PRIM2: variants seen among roughly 807,000 people sequenced by gnomAD.
PRIM2 encodes the protein DNA primase subunit 2, also known as DNA primase large subunit.
Under a neutral mutation model 67.3 loss-of-function variants are expected in PRIM2, and 39 were observed. That is an observed-to-expected ratio of 0.58 (90% CI 0.45 to 0.76). PRIM2 has a LOEUF of 0.76. Among genes scored for constraint, PRIM2 ranks in the 30% least tolerant of loss-of-function variants. The probability of loss-of-function intolerance (pLI) is 0.00; values close to 1 mark genes in which losing one functional copy is unlikely to be tolerated. For synonymous variants in PRIM2, 143 were observed against 198.7 expected, an observed-to-expected ratio of 0.72 and a Z score of 2.36; for missense variants, 398 against 598.7, an observed-to-expected ratio of 0.66 and a Z score of 3.50.
intron 2 of PRIM2, among the ~76,000 whole-genome samples, chr6:57,319,675 T>C (rs1420508807): frequency 6.6e-6 from 1 of 152,010 alleles, no homozygotes; most frequent in East Asian, 1.9e-4. Flanking sequence ...TTAGCATTGA[T>C]AGGATTTGGT....
chr6:57,550,988 C>T (rs1317288689), intron 10 of PRIM2, among the ~76,000 whole-genome samples: 3 of 152,110 alleles, frequency 2.0e-5, no homozygotes, highest in Admixed American at 6.5e-5. Flanking sequence ...TCTTTAACAA[C>T]CTGTTGTGTG....
chr6:57,437,280 C>T (rs1483920290), intron 7 of PRIM2, among the ~76,000 whole-genome samples: 1 of 152,240 alleles, frequency 6.6e-6, no homozygotes, highest in East Asian at 1.9e-4. Flanking sequence ...CACCAGGTTC[C>T]ACCTCCAACA....
the PRIM2 span, among the ~76,000 whole-genome samples, chr6:57,238,703 TAAC>T: frequency 6.6e-6 from 1 of 151,958 alleles, no homozygotes; most frequent in Non-Finnish European, 1.5e-5. Context: ...AGGCAAGAAA[TAAC>T]TAAGATCAGA....
intron 10 of PRIM2, among the ~76,000 whole-genome samples, chr6:57,539,920 G>A (rs1212337328): frequency 6.6e-6 from 1 of 151,880 alleles, no homozygotes; most frequent in East Asian, 1.9e-4. Context: ...CTTGAACCTG[G>A]GAGGTGGAGG....
the PRIM2 span, among the ~76,000 whole-genome samples, chr6:57,259,835 C>T: frequency 1.3e-5 from 2 of 152,202 alleles, no homozygotes; most frequent in Non-Finnish European, 2.9e-5. Context: ...AGCTGAAGGG[C>T]ACTGCTTTGC....
chr6:57,528,702 A>C (rs1433850655), intron 8 of PRIM2, among the ~76,000 whole-genome samples: 1 of 152,254 alleles, frequency 6.6e-6, no homozygotes, highest in Admixed American at 6.5e-5. Context: ...TAGACTAAGA[A>C]GCTGAGACTT....
At chr6:57,439,957 A>G (rs1772149055) in intron 7 of PRIM2, among the ~76,000 whole-genome samples, 1 of 152,148 alleles carries the variant, frequency 6.6e-6, no homozygotes, top group African/African-American at 2.4e-5. Flanking sequence ...ATTTAAAAAT[A>G]TTATAAATTA....
At chr6:57,403,499 T>C (rs1770783922) in intron 7 of PRIM2, among the ~76,000 whole-genome samples, 1 of 151,978 alleles carries the variant, frequency 6.6e-6, no homozygotes, top group African/African-American at 2.4e-5. Flanking sequence ...CCTGACCTCA[T>C]GGTGCATCTG....
chr6:57,418,943 T>G (rs1328413932), intron 7 of PRIM2, among the ~76,000 whole-genome samples: 1 of 152,144 alleles, frequency 6.6e-6, no homozygotes, highest in Non-Finnish European at 1.5e-5. Flanking sequence ...TTTCTAGGAA[T>G]GTACTTTAGA....
the PRIM2 span, among the ~76,000 whole-genome samples, chr6:57,309,237 C>A: frequency 6.7e-6 from 1 of 150,326 alleles, no homozygotes; most frequent in Non-Finnish European, 1.5e-5. Context: ...TGCACTGCAC[C>A]CACTAACTCG....
chr6:57,539,612 T>TTGTGTGTGTG (rs1232932730), intron 10 of PRIM2, among the ~76,000 whole-genome samples: 3 of 129,352 alleles, frequency 2.3e-5, no homozygotes, highest in South Asian at 5.6e-4. Flanking sequence ...ATTATATTCT[T>TTGTGTGTGTG]TGTGTGTGTG....
chr6:57,439,067 A>G (rs1380745631), intron 7 of PRIM2, among the ~76,000 whole-genome samples: 3 of 152,072 alleles, frequency 2.0e-5, no homozygotes, highest in Admixed American at 2.0e-4. Flanking sequence ...CTTAGTCACT[A>G]TTGGGTTTTT....
chr6:57,324,079 A>G (rs1273817790), intron 3 of PRIM2, 122 bp from the exon 4 acceptor site: 1 of 597,602 alleles, frequency 1.7e-6, no homozygotes, highest in Non-Finnish European at 3.0e-6. Flanking sequence ...GCAAGACCCC[A>G]TCTCTAAAAA....
chr6:57,420,226 C>T (rs1771421530), intron 7 of PRIM2, among the ~76,000 whole-genome samples: 1 of 152,054 alleles, frequency 6.6e-6, no homozygotes, highest in Non-Finnish European at 1.5e-5. Context: ...GTTTTTTGGC[C>T]AGGCACAGTG....
chr6:57,269,348 T>C, the PRIM2 span, among the ~76,000 whole-genome samples: 1,836 of 152,170 alleles, frequency 0.012, 40 homozygotes, highest in African/African-American at 0.041. Context: ...AGATGGTATC[T>C]CATTGTGGTT....
intron 5 of PRIM2, among the ~76,000 whole-genome samples, chr6:57,327,196 C>T (rs868760588): frequency 7.2e-5 from 11 of 152,004 alleles, no homozygotes; most frequent in South Asian, 2.1e-4. Flanking sequence ...GCCACCGTGC[C>T]GGGCCTAGAA....
chr6:57,280,815 CT>C, the PRIM2 span, among the ~76,000 whole-genome samples: 14 of 151,686 alleles, frequency 9.2e-5, no homozygotes, highest in African/African-American at 3.1e-4. Flanking sequence ...CATGTACTAT[CT>C]TTTTTTTTAA....
At chr6:57,581,361 C>T (rs1325684025) in intron 10 of PRIM2, among the ~76,000 whole-genome samples, 1 of 152,146 alleles carries the variant, frequency 6.6e-6, no homozygotes, top group African/African-American at 2.4e-5. Flanking sequence ...ATTACTAAAT[C>T]TAGTCTTTTC....
the PRIM2 span, among the ~76,000 whole-genome samples, chr6:57,227,167 A>C: frequency 6.6e-6 from 1 of 152,182 alleles, no homozygotes; most frequent in South Asian, 2.1e-4. Flanking sequence ...CTCTAATGGA[A>C]AGGGCTGGAC....
Sources: allele counts gnomAD v4.1 joint callset (sites outside exome capture counted in the v4.1 genomes callset), GRCh38; gene constraint gnomAD v4.1.1; transcripts MANE v1.5; gene names NCBI Gene and HGNC (gene_info 2026-07-23, HGNC 2026-07-21).